PAX7: variants seen among roughly 807,000 people sequenced by gnomAD.
The protein encoded by PAX7 is paired box 7, also known as paired box protein Pax-7.
Under a neutral mutation model 50.7 loss-of-function variants are expected in PAX7, and 18 were observed. The observed-to-expected ratio is 0.36, with a 90% confidence interval of 0.25 to 0.53. PAX7 has a LOEUF of 0.53. Ranked by LOEUF, PAX7 falls within the 20% of genes least tolerant of loss-of-function variation. PAX7 has a pLI of 0.93. For missense variants in PAX7, 644 were observed against 702.9 expected (o/e 0.92, Z 0.95); for synonymous variants, 310 against 290.4 (o/e 1.07, Z -0.69).
chr1:18,681,065 G>T (rs549201628), intron 4 of PAX7, among the ~76,000 whole-genome samples: 1 of 150,038 alleles, frequency 6.7e-6, no homozygotes, highest in Non-Finnish European at 1.5e-5. Context: ...TACTCGGAAG[G>T]CTGAGGCAGG....
At position 18,702,338 on chromosome 1, in the gene PAX7, CA is replaced by C. The variant is rs903719763; in HGVS notation, c.953-746del. ...TGGGCGACAGAGTGAGACTCCATCT[CA>C]AAAAAAAAATTAAATTTTAAAAAAG... is the stretch of plus-strand genomic sequence containing the variant. On this transcript the variant is annotated intron_variant, in intron 6 of 8. Coordinates refer to ENST00000420770, the MANE Select transcript of PAX7 (RefSeq NM_001135254.2). Among the ~76,000 whole-genome samples, 225 of 148,892 alleles carry C rather than the reference CA, an allele frequency of 1.5e-3. 2 individuals carry two copies. Among genetic ancestry groups the C allele is most frequent in the African/African-American group, 5.1e-3 (209 of 40,594 alleles).
chr1:18,702,697 C>G (rs1259743646), intron 6 of PAX7, among the ~76,000 whole-genome samples: 1 of 152,114 alleles, frequency 6.6e-6, no homozygotes, highest in Non-Finnish European at 1.5e-5. Context: ...TTGCTTCATA[C>G]CCTTAGGCAG....
chr1:18,673,790 G>T (rs187205788), intron 4 of PAX7, among the ~76,000 whole-genome samples: 130 of 152,298 alleles, frequency 8.5e-4, no homozygotes, highest in Non-Finnish European at 1.6e-4. Flanking sequence ...GGGCAAGGGA[G>T]GTTATTTTGG....
chr1:18,704,814 C>T (rs2089263806), intron 7 of PAX7, among the ~76,000 whole-genome samples: 2 of 152,100 alleles, frequency 1.3e-5, no homozygotes, highest in South Asian at 2.1e-4. Context: ...GGGTTAATTG[C>T]CTTTCAGCTG....
At chr1:18,677,413 G>A (rs553099847) in intron 4 of PAX7, among the ~76,000 whole-genome samples, 2 of 152,162 alleles carry the variant, frequency 1.3e-5, no homozygotes, top group Admixed American at 1.3e-4. Context: ...ATGGTGGCAT[G>A]ATCCTGAGAC....
chr1:18,672,572 C>A (rs542022495), intron 4 of PAX7, among the ~76,000 whole-genome samples: 2 of 149,392 alleles, frequency 1.3e-5, no homozygotes, highest in African/African-American at 2.5e-5. Context: ...CTGCCAAATG[C>A]GGCCCTAGAC....
intron 4 of PAX7, among the ~76,000 whole-genome samples, chr1:18,662,487 C>G (rs890732646): frequency 3.3e-5 from 5 of 152,300 alleles, no homozygotes; most frequent in African/African-American, 1.2e-4. Flanking sequence ...ATTCACACTT[C>G]TACTTGGAAT....
chr1:18,695,069 G>C (rs2089133950), intron 5 of PAX7, among the ~76,000 whole-genome samples: 1 of 152,110 alleles, frequency 6.6e-6, no homozygotes, highest in Non-Finnish European at 1.5e-5. Context: ...TAGTGGATTG[G>C]TTCAGGGTAG....
intron 7 of PAX7, among the ~76,000 whole-genome samples, chr1:18,719,426 T>G (rs1243583568): frequency 1.3e-5 from 2 of 152,172 alleles, no homozygotes; most frequent in Non-Finnish European, 2.9e-5. Context: ...TAGGAGACAG[T>G]GTGCGCTCTC....
chr1:18,720,430 C>T (rs1330386150), intron 7 of PAX7, among the ~76,000 whole-genome samples: 7 of 152,084 alleles, frequency 4.6e-5, no homozygotes, highest in African/African-American at 7.2e-5. Context: ...GGCACCCTGG[C>T]ATGACAGCTC....
chr1:18,712,462 CT>C (rs2089364827), intron 7 of PAX7, among the ~76,000 whole-genome samples: 1 of 152,044 alleles, frequency 6.6e-6, no homozygotes, highest in Non-Finnish European at 1.5e-5. Context: ...CCCCTTTTTC[CT>C]GGGTGGAGGG....
At chr1:18,656,371 C>A (rs969298784) in intron 4 of PAX7, among the ~76,000 whole-genome samples, 1 of 152,058 alleles carries the variant, frequency 6.6e-6, no homozygotes, top group Non-Finnish European at 1.5e-5. Flanking sequence ...AGGTGGTGCA[C>A]ACCTGTAATC....
At chr1:18,715,607 T>C (rs1023428748) in intron 7 of PAX7, among the ~76,000 whole-genome samples, 1 of 152,158 alleles carries the variant, frequency 6.6e-6, no homozygotes, top group Non-Finnish European at 1.5e-5. Context: ...CATGCTAGAA[T>C]CCCAGTGCTT....
At chr1:18,672,646 C>A (rs1198816189) in intron 4 of PAX7, among the ~76,000 whole-genome samples, 1 of 148,148 alleles carries the variant, frequency 6.8e-6, no homozygotes, top group Non-Finnish European at 1.5e-5. Flanking sequence ...CGCTCTGTCG[C>A]CCAGGCTGGA....
At chr1:18,743,422 C>T (rs1931254662) in intron 8 of PAX7, among the ~76,000 whole-genome samples, 1 of 152,264 alleles carries the variant, frequency 6.6e-6, no homozygotes. Context: ...GCTCCACCCA[C>T]CTGCCCTGGG....
chr1:18,667,569 G>T (rs1020843874), intron 4 of PAX7, among the ~76,000 whole-genome samples: 2 of 152,184 alleles, frequency 1.3e-5, no homozygotes, highest in Admixed American at 1.3e-4. Flanking sequence ...AAGGTAGATA[G>T]TGGAGGATGC....
intron 4 of PAX7, among the ~76,000 whole-genome samples, chr1:18,657,218 C>CA (rs2088535279): frequency 6.6e-6 from 1 of 152,008 alleles, no homozygotes; most frequent in South Asian, 2.1e-4. Context: ...TAAGAGGCTA[C>CA]ACCTTCTTAT....
chr1:18,700,466 G>T lies in PAX7; in HGVS notation c.787-187G>T, dbSNP rs2089204314. Among the ~76,000 whole-genome samples, 1 of 152,136 alleles carries T rather than the reference G, an allele frequency of 6.6e-6. No individual in the cohort carries two copies. The highest frequency in any genetic ancestry group is 2.1e-4 in the South Asian group (1 of 4,824). On this transcript the variant is annotated intron_variant, in intron 5 of 8. Transcript: ENST00000420770. This position sits in a 1 kb window ranked among gnomAD's most constrained non-coding sequence, Gnocchi z 4.8. Reference sequence around the variant, plus strand: ...AGAACCCCCTCACTGGTGGTTGTGAGGGCAGAATGGGGTCATACCTATGAA... The same window carrying T: ...AGAACCCCCTCACTGGTGGTTGTGATGGCAGAATGGGGTCATACCTATGAA...
chr1:18,637,631 A>T (rs1490285022), intron 4 of PAX7, among the ~76,000 whole-genome samples: 2 of 152,216 alleles, frequency 1.3e-5, no homozygotes, highest in African/African-American at 4.8e-5. Context: ...AGACCCTCCC[A>T]ACCTTGAAGA....
Sources: allele counts gnomAD v4.1 joint callset (sites outside exome capture counted in the v4.1 genomes callset), GRCh38; gene constraint gnomAD v4.1.1; non-coding constraint Gnocchi (gnomAD v3.1); transcripts MANE v1.5; gene names NCBI Gene and HGNC (gene_info 2026-07-23, HGNC 2026-07-21).